Variants in NHERF4 observed in about 807,000 individuals in gnomAD.
The protein encoded by NHERF4 is Na(+)/H(+) exchange regulatory cofactor NHE-RF4.
At chr11:119,188,125 G>C in the NHERF4 span, 1 of 1,545,872 alleles carries the variant, frequency 6.5e-7, no homozygotes, top group Non-Finnish European at 8.7e-7. Context: ...GGGAGGAAAA[G>C]GGCCTTGACG....
At chr11:119,186,257 G>T in the NHERF4 span, 1 of 1,613,328 alleles carries the variant, frequency 6.2e-7, no homozygotes, top group Non-Finnish European at 8.5e-7. The surrounding 1 kb of genome is among the most constrained non-coding windows in gnomAD (Gnocchi z 4.4). Context: ...CACTCACTCG[G>T]TCTCCCTCTG....
At chr11:119,188,882 A>G in the NHERF4 span, 1 of 1,612,776 alleles carries the variant, frequency 6.2e-7, no homozygotes. Flanking sequence ...CTGATGCCCC[A>G]TGGATCTTGA....
chr11:119,186,410 C>T, the NHERF4 span: 4 of 1,581,410 alleles, frequency 2.5e-6, no homozygotes, highest in South Asian at 1.1e-5. This position sits in a 1 kb window ranked among gnomAD's most constrained non-coding sequence, Gnocchi z 4.4. Context: ...GTCTGCCAGG[C>T]ACACGGCGAA....
chr11:119,189,457 G>C, the NHERF4 span: 202 of 1,613,980 alleles, frequency 1.3e-4, no homozygotes, highest in Non-Finnish European at 1.7e-4. The surrounding 1 kb of genome is among the most constrained non-coding windows in gnomAD (Gnocchi z 5.8). Context: ...TCCTCTCTCT[G>C]TATAGGACTG....
chr11:119,186,128 TC>T, the NHERF4 span: 1 of 1,613,928 alleles, frequency 6.2e-7, no homozygotes, highest in East Asian at 2.2e-5. The surrounding 1 kb of genome is among the most constrained non-coding windows in gnomAD (Gnocchi z 4.4). Flanking sequence ...GCATTGATAA[TC>T]CTGTCCTCTC....
At chr11:119,187,181 C>T in the NHERF4 span, 5 of 1,116,912 alleles carry the variant, frequency 4.5e-6, no homozygotes, top group South Asian at 5.8e-5. Flanking sequence ...AAGCCGATTC[C>T]CTTGGCAAAA....
At chr11:119,187,376 G>A in the NHERF4 span, 1 of 1,614,000 alleles carries the variant, frequency 6.2e-7, no homozygotes, top group South Asian at 1.1e-5. Context: ...GCCCACCTCT[G>A]TCCCACCCTA....
chr11:119,187,262 C>CAGAG, the NHERF4 span: 1 of 1,585,490 alleles, frequency 6.3e-7, no homozygotes, highest in South Asian at 1.1e-5. Flanking sequence ...CACGTGCCCT[C>CAGAG]TGTCCAGGTG....
chr11:119,189,358 T>G, the NHERF4 span: 31 of 1,521,786 alleles, frequency 2.0e-5, no homozygotes, highest in East Asian at 6.8e-4. This position sits in a 1 kb window ranked among gnomAD's most constrained non-coding sequence, Gnocchi z 5.8. Flanking sequence ...GAAGGACTCG[T>G]GAAATAAACC....
chr11:119,186,448 C>T, the NHERF4 span: 2 of 1,611,928 alleles, frequency 1.2e-6, no homozygotes, highest in South Asian at 2.2e-5. This position sits in a 1 kb window ranked among gnomAD's most constrained non-coding sequence, Gnocchi z 4.4. Flanking sequence ...CCCTCTCCTC[C>T]CCCTTTTCTG....
the NHERF4 span, chr11:119,187,987 G>T: frequency 6.3e-7 from 1 of 1,574,898 alleles, no homozygotes; most frequent in Non-Finnish European, 8.6e-7. Context: ...CAGGGCCAGA[G>T]GTGGAAGAAC....
chr11:119,188,704 G>C, the NHERF4 span: 1 of 1,614,202 alleles, frequency 6.2e-7, no homozygotes. Context: ...CGGGGCAGCA[G>C]CTCAGCCTCA....
At chr11:119,187,799 TCTC>T in the NHERF4 span, 1 of 1,457,074 alleles carries the variant, frequency 6.9e-7, no homozygotes, top group Non-Finnish European at 9.0e-7. Context: ...CCTTATCTGG[TCTC>T]CTACCTTTAT....
chr11:119,189,654 C>A, the NHERF4 span: 1 of 763,710 alleles, frequency 1.3e-6, no homozygotes, highest in Non-Finnish European at 2.2e-6. This position sits in a 1 kb window ranked among gnomAD's most constrained non-coding sequence, Gnocchi z 5.8. Flanking sequence ...GCAGGCCCAC[C>A]TGCCAGCAGA....
the NHERF4 span, among the ~76,000 whole-genome samples, chr11:119,187,038 G>A: frequency 6.6e-6 from 1 of 152,016 alleles, no homozygotes; most frequent in Non-Finnish European, 1.5e-5. Context: ...ACTCGGGAGG[G>A]CTGAGGCAGG....
At chr11:119,188,464 T>G in the NHERF4 span, 2 of 1,612,058 alleles carry the variant, frequency 1.2e-6, no homozygotes, top group Non-Finnish European at 8.5e-7. Flanking sequence ...GGCTGGGCCA[T>G]GAGGAGACAG....
the NHERF4 span, chr11:119,188,633 C>CT: frequency 6.2e-7 from 1 of 1,613,974 alleles, no homozygotes; most frequent in Non-Finnish European, 8.5e-7. Context: ...TCCCTGCCAC[C>CT]TTCCAGGTTC....
At chr11:119,188,275 C>A in the NHERF4 span, 1 of 1,582,888 alleles carries the variant, frequency 6.3e-7, no homozygotes, top group South Asian at 1.2e-5. Flanking sequence ...TCTTCCCGTT[C>A]ACTCTGGGGT....
chr11:119,189,540 C>G, the NHERF4 span: 2 of 1,597,974 alleles, frequency 1.3e-6, no homozygotes, highest in Non-Finnish European at 1.7e-6. The surrounding 1 kb of genome is among the most constrained non-coding windows in gnomAD (Gnocchi z 5.8). Flanking sequence ...CGTGTCTTCA[C>G]TCTCCAGCCT....
Sources: allele counts gnomAD v4.1 joint callset (sites outside exome capture counted in the v4.1 genomes callset), GRCh38; gene constraint gnomAD v4.1.1; non-coding constraint Gnocchi (gnomAD v3.1); transcripts MANE v1.5; gene names NCBI Gene and HGNC (gene_info 2026-07-23, HGNC 2026-07-21).